Variants in SLC25A21 observed in about 807,000 individuals in gnomAD.
SLC25A21 encodes the protein solute carrier family 25 member 21.
SLC25A21 carries 47 observed loss-of-function variants against 43.8 expected under a neutral mutation model. That is an observed-to-expected ratio of 1.07 (90% CI 0.85 to 1.37). The LOEUF is 1.37. Ranked by LOEUF, SLC25A21 falls within the 40% of genes most tolerant of loss-of-function variation. The pLI, the probability that SLC25A21 is intolerant of heterozygous loss-of-function variation, is 0.00. For missense variants in SLC25A21, 352 were observed against 350.2 expected (o/e 1.00, Z -0.04); for synonymous variants, 131 against 121.3 (o/e 1.08, Z -0.52).
intron 2 of SLC25A21, among the ~76,000 whole-genome samples, chr14:36,859,401 A>C (rs1889998271): frequency 2.0e-5 from 3 of 152,218 alleles, no homozygotes; most frequent in Admixed American, 2.0e-4. Context: ...ACATTTCCTC[A>C]AGGAGCATCC....
intron 1 of SLC25A21, among the ~76,000 whole-genome samples, chr14:36,981,200 G>A (rs1014255287): frequency 6.6e-6 from 1 of 152,204 alleles, no homozygotes; most frequent in Non-Finnish European, 1.5e-5. Context: ...AGGTGCTGGA[G>A]AAGATGTGGA....
intron 1 of SLC25A21, among the ~76,000 whole-genome samples, chr14:37,124,166 G>C (rs1462164435): frequency 6.6e-6 from 1 of 151,930 alleles, no homozygotes; most frequent in Non-Finnish European, 1.5e-5. Context: ...CCGTGTTCAA[G>C]TGACCCTCCT....
intron 1 of SLC25A21, among the ~76,000 whole-genome samples, chr14:37,093,558 C>T (rs955296866): frequency 1.3e-5 from 2 of 152,194 alleles, no homozygotes; most frequent in African/African-American, 4.8e-5. Flanking sequence ...AAGACTGACA[C>T]GTGACTAATT....
rs142709954 is a variant in SLC25A21, at chr14:36,698,195, A to G, written c.603+13123T>C. ...TGAAGCTTAGTTTGGCTGGATATGA[A>G]ATTCTGGGTTGAAAACTCCTTTCTT... On this transcript the variant is annotated intron_variant, in intron 7 of 9. Transcript: ENST00000331299. Among the ~76,000 whole-genome samples the G allele has an allele frequency of 5.2e-3, 785 of 152,232 alleles. 7 individuals are homozygous for G. Among genetic ancestry groups the G allele is most frequent in the African/African-American group, 0.018 (764 of 41,530 alleles).
At chr14:36,986,219 T>A (rs950009406) in intron 1 of SLC25A21, among the ~76,000 whole-genome samples, 4 of 152,206 alleles carry the variant, frequency 2.6e-5, no homozygotes, top group African/African-American at 9.6e-5. Context: ...ATTATTTCTA[T>A]AATCTACATA....
At chr14:36,734,686 C>G in intron 3 of SLC25A21, 113 bp from the exon 4 acceptor site, 2 of 718,780 alleles carry the variant, frequency 2.8e-6, no homozygotes, top group Non-Finnish European at 4.7e-6. Context: ...GCACACCAAT[C>G]ATGAAGTCTT....
intron 1 of SLC25A21, among the ~76,000 whole-genome samples, chr14:36,963,819 T>C (rs1303030997): frequency 6.6e-6 from 1 of 152,174 alleles, no homozygotes; most frequent in Admixed American, 6.5e-5. Context: ...TGTTTTTGTT[T>C]GTGAAGGAAG....
At chr14:37,024,466 G>A (rs573519099) in intron 1 of SLC25A21, among the ~76,000 whole-genome samples, 10 of 152,006 alleles carry the variant, frequency 6.6e-5, no homozygotes, top group South Asian at 6.2e-4. Context: ...ATATACCAAC[G>A]TCAGCAGCTT....
intron 1 of SLC25A21, among the ~76,000 whole-genome samples, chr14:36,981,486 C>T (rs953331318): frequency 1.3e-5 from 2 of 152,208 alleles, no homozygotes; most frequent in African/African-American, 4.8e-5. Flanking sequence ...GGCACATATA[C>T]ACCATGGAAT....
At chr14:36,788,499 C>A (rs755889792) in intron 3 of SLC25A21, 4 of 149,450 alleles carry the variant, frequency 2.7e-5, no homozygotes, top group Admixed American at 1.3e-4. Flanking sequence ...TAGCCCACCC[C>A]CTTTACGGAT....
intron 2 of SLC25A21, among the ~76,000 whole-genome samples, chr14:36,868,590 T>C (rs765315485): frequency 6.6e-6 from 1 of 152,216 alleles, no homozygotes; most frequent in Non-Finnish European, 1.5e-5. Flanking sequence ...TTTCTAACCA[T>C]CTTTTAAAAT....
chr14:37,046,514 T>C (rs1440098314), intron 1 of SLC25A21, among the ~76,000 whole-genome samples: 1 of 152,182 alleles, frequency 6.6e-6, no homozygotes, highest in Non-Finnish European at 1.5e-5. Flanking sequence ...TTGATTTGAT[T>C]TGGAAATTTT....
At chr14:36,783,744 C>G (rs1887155064) in intron 3 of SLC25A21, among the ~76,000 whole-genome samples, 1 of 152,140 alleles carries the variant, frequency 6.6e-6, no homozygotes, top group South Asian at 2.1e-4. Context: ...TGAAGCTTCT[C>G]TACTGAGAAA....
intron 1 of SLC25A21, among the ~76,000 whole-genome samples, chr14:36,879,713 C>A (rs920915624): frequency 6.6e-6 from 1 of 152,018 alleles, no homozygotes; most frequent in Non-Finnish European, 1.5e-5. Flanking sequence ...CAGACTTCAT[C>A]TTTTCTGAGA....
intron 1 of SLC25A21, among the ~76,000 whole-genome samples, chr14:37,104,160 ATTTAC>A (rs1231703420): frequency 6.6e-6 from 1 of 152,172 alleles, no homozygotes; most frequent in African/African-American, 2.4e-5. Context: ...CTAACATATA[ATTTAC>A]TTTACTAGAA....
At chr14:36,717,426 G>A (rs1884188004) in intron 6 of SLC25A21, among the ~76,000 whole-genome samples, 1 of 152,300 alleles carries the variant, frequency 6.6e-6, no homozygotes, top group East Asian at 1.9e-4. Context: ...GCAAACAACC[G>A]GTGAGTGGAG....
At chr14:37,162,660 T>C (rs1221212467) in intron 1 of SLC25A21, among the ~76,000 whole-genome samples, 1 of 152,130 alleles carries the variant, frequency 6.6e-6, no homozygotes, top group African/African-American at 2.4e-5. Flanking sequence ...GGAGAGGATG[T>C]AGAGAAATAG....
chr14:36,769,150 G>A (rs1886526012), intron 3 of SLC25A21, among the ~76,000 whole-genome samples: 1 of 152,178 alleles, frequency 6.6e-6, no homozygotes, highest in African/African-American at 2.4e-5. Flanking sequence ...TTACTGAAGT[G>A]TCAAGGGATA....
At chr14:36,895,980 T>C (rs1291074801) in intron 1 of SLC25A21, among the ~76,000 whole-genome samples, 1 of 152,210 alleles carries the variant, frequency 6.6e-6, no homozygotes, top group Non-Finnish European at 1.5e-5. Flanking sequence ...AATTTTGGAA[T>C]AGGTGTGGTG....
Sources: allele counts gnomAD v4.1 joint callset (sites outside exome capture counted in the v4.1 genomes callset), GRCh38; gene constraint gnomAD v4.1.1; transcripts MANE v1.5; gene names NCBI Gene and HGNC (gene_info 2026-07-23, HGNC 2026-07-21).